CAPZB: variants seen among roughly 807,000 people sequenced by gnomAD.
CAPZB encodes the protein F-actin-capping protein subunit beta.
CAPZB carries 2 observed loss-of-function variants against 38.1 expected under a neutral mutation model. That is an observed-to-expected ratio of 0.05 (90% CI 0.02 to 0.17). The LOEUF is 0.17. Ranked by LOEUF, CAPZB falls within the 10% of genes least tolerant of loss-of-function variation. CAPZB has a pLI of 1.00. For synonymous variants in CAPZB, 107 were observed against 127.4 expected (o/e 0.84, Z 1.08); for missense variants, 161 against 334.2 (o/e 0.48, Z 4.04).
chr1:19,396,129 T>G (rs2094267500), intron 2 of CAPZB, among the ~76,000 whole-genome samples: 1 of 152,248 alleles, frequency 6.6e-6, no homozygotes, highest in South Asian at 2.1e-4. Flanking sequence ...CTGCACCCTG[T>G]GCAGGATGCG....
At chr1:19,367,382 G>T (rs1294394692) in intron 4 of CAPZB, among the ~76,000 whole-genome samples, 2 of 152,244 alleles carry the variant, frequency 1.3e-5, no homozygotes, top group African/African-American at 4.8e-5. Context: ...TGAACAGAGG[G>T]GAGGAGAAGG....
chr1:19,347,826 G>A (rs16862684), intron 6 of CAPZB, among the ~76,000 whole-genome samples: 22,676 of 152,152 alleles, frequency 0.15, 1,812 homozygotes, highest in East Asian at 0.23. Flanking sequence ...TAAACCCAAG[G>A]AAACCGAAGC....
chr1:19,475,566 A>T (rs2094604017), intron 1 of CAPZB, among the ~76,000 whole-genome samples: 1 of 152,214 alleles, frequency 6.6e-6, no homozygotes. Context: ...TCTCGGGGGC[A>T]GACCCCGCTC....
intron 1 of CAPZB, among the ~76,000 whole-genome samples, chr1:19,451,920 CTGT>C (rs1297581905): frequency 1.3e-5 from 2 of 151,950 alleles, no homozygotes; most frequent in Non-Finnish European, 2.9e-5. Context: ...AGCAATTTTA[CTGT>C]TTATTATTGT....
intron 4 of CAPZB, among the ~76,000 whole-genome samples, chr1:19,364,527 C>T (rs2094072266): frequency 6.6e-6 from 1 of 152,250 alleles, no homozygotes; most frequent in Non-Finnish European, 1.5e-5. Context: ...TTGCATAGTC[C>T]TTTCAAACAT....
chr1:19,485,145 G>A (rs572615353), intron 1 of CAPZB, among the ~76,000 whole-genome samples: 105 of 152,288 alleles, frequency 6.9e-4, no homozygotes, highest in African/African-American at 2.5e-3. Context: ...CGGGAGGGAG[G>A]GTCTAGCCTG....
intron 1 of CAPZB, among the ~76,000 whole-genome samples, chr1:19,455,548 TGCCCACAGCAAGTGCCC>T (rs1480966496): frequency 1.3e-5 from 2 of 152,180 alleles, no homozygotes; most frequent in African/African-American, 4.8e-5. Flanking sequence ...ACAAGCGGGA[TGCCCACAGCAAGTGCCC>T]TCCAATCCGT....
chr1:19,462,641 T>C (rs1225233352), intron 1 of CAPZB, among the ~76,000 whole-genome samples: 3 of 152,100 alleles, frequency 2.0e-5, no homozygotes, highest in Non-Finnish European at 4.4e-5. Flanking sequence ...TAACCACATA[T>C]GAAACAACAT....
In CAPZB at chr1:19,443,605, G is replaced by A. The variant is rs193265124; in HGVS notation, c.4-23855C>T. Reference sequence around the variant, plus strand: ...CAGCTTTCTCTCAGGGTATGCTTAAGTTATTGTTGTTGTTGTTGTTGTTTT... The same window carrying A: ...CAGCTTTCTCTCAGGGTATGCTTAAATTATTGTTGTTGTTGTTGTTGTTTT... On this transcript the variant is annotated intron_variant, in intron 1 of 8. Coordinates refer to ENST00000264202, the MANE Select transcript of CAPZB (RefSeq NM_004930.5). 4.6e-3 allele frequency among the ~76,000 whole-genome samples: 662 copies of A among 144,832 alleles called. 2 individuals carry two copies. The highest frequency in any genetic ancestry group is 0.015 in the African/African-American group (588 of 40,456).
intron 6 of CAPZB, among the ~76,000 whole-genome samples, chr1:19,355,575 T>C (rs749461276): frequency 6.6e-6 from 1 of 152,136 alleles, no homozygotes; most frequent in Admixed American, 6.5e-5. Flanking sequence ...AGCATAATTA[T>C]CTTACCGAAA....
chr1:19,483,937 C>T (rs1558303159), intron 1 of CAPZB, among the ~76,000 whole-genome samples: 1 of 152,222 alleles, frequency 6.6e-6, no homozygotes, highest in Non-Finnish European at 1.5e-5. Context: ...GTCCTCAAAA[C>T]ACTTTGAGGC....
intron 2 of CAPZB, among the ~76,000 whole-genome samples, chr1:19,396,786 C>A (rs1013340006): frequency 2.4e-3 from 296 of 121,022 alleles, no homozygotes; most frequent in Non-Finnish European, 2.6e-3. Context: ...AATAAAAATA[C>A]AAAAAAAAAA....
In CAPZB at chr1:19,442,009, C is replaced by CAAAACAAAAAAAAA. The variant is rs1553287699; in HGVS notation, c.4-22260_4-22259insTTTTTTTTTGTTTT. Among the ~76,000 whole-genome samples, 19 of 85,976 alleles carry CAAAACAAAAAAAAA rather than the reference C, an allele frequency of 2.2e-4. 2 individuals carry two copies. The highest frequency in any genetic ancestry group is 2.9e-4 in the Admixed American group (2 of 6,934). 56.4% of individuals were successfully genotyped at this position (85,976 alleles called of 152,430 possible). A position where few individuals can be genotyped will look rare whatever the true frequency, so the allele number is the denominator to read the frequency against. ...GGGCGACAGAGCAAGACTCTGTCTC[C>CAAAACAAAAAAAAA]AAAAAAAAAAAAAAAAAAAGCACAG... On this transcript the variant is annotated intron_variant, in intron 1 of 8. Coordinates refer to ENST00000264202, the MANE Select transcript of CAPZB (RefSeq NM_004930.5).
intron 3 of CAPZB, among the ~76,000 whole-genome samples, chr1:19,380,061 C>G (rs191778815): frequency 2.0e-5 from 3 of 152,202 alleles, no homozygotes; most frequent in Non-Finnish European, 4.4e-5. Context: ...GAATTCTGCA[C>G]GCAGACATCT....
At chr1:19,406,199 G>C (rs976704094) in intron 2 of CAPZB, among the ~76,000 whole-genome samples, 1 of 152,226 alleles carries the variant, frequency 6.6e-6, no homozygotes, top group Non-Finnish European at 1.5e-5. Context: ...AAAAGGAGGA[G>C]GGCGGGACTA....
intron 1 of CAPZB, among the ~76,000 whole-genome samples, chr1:19,432,174 G>A (rs907474764): frequency 1.3e-5 from 2 of 152,004 alleles, no homozygotes; most frequent in Non-Finnish European, 2.9e-5. Flanking sequence ...TGGGCACACT[G>A]GCTCACATTT....
chr1:19,431,361 G>A (rs948268640), intron 1 of CAPZB, among the ~76,000 whole-genome samples: 2 of 152,114 alleles, frequency 1.3e-5, no homozygotes, highest in Non-Finnish European at 2.9e-5. Flanking sequence ...CAAGCATTTC[G>A]GATAAGAAAC....
intron 4 of CAPZB, among the ~76,000 whole-genome samples, chr1:19,369,908 T>C (rs2094111106): frequency 6.6e-6 from 1 of 152,194 alleles, no homozygotes. Flanking sequence ...CCGGGGCACC[T>C]GGAACTGCAG....
chr1:19,358,636 T>C (rs1397028567), intron 4 of CAPZB, among the ~76,000 whole-genome samples: 1 of 152,192 alleles, frequency 6.6e-6, no homozygotes, highest in African/African-American at 2.4e-5. Flanking sequence ...GAACCGCAAA[T>C]GCTGTTGATA....
Sources: allele counts gnomAD v4.1 joint callset (sites outside exome capture counted in the v4.1 genomes callset), GRCh38; gene constraint gnomAD v4.1.1; transcripts MANE v1.5; gene names NCBI Gene and HGNC (gene_info 2026-07-23, HGNC 2026-07-21).